KCNIP1: variants seen among roughly 807,000 people sequenced by gnomAD.
KCNIP1 encodes the protein potassium voltage-gated channel interacting protein 1, also known as A-type potassium channel modulatory protein KCNIP1.
Under a neutral mutation model 33.0 loss-of-function variants are expected in KCNIP1, and 18 were observed. The observed-to-expected ratio is 0.55, with a 90% CI of 0.38 to 0.81. The LOEUF (loss-of-function observed/expected upper bound fraction) is 0.81. Ranked by LOEUF, KCNIP1 falls within the 30% of genes least tolerant of loss-of-function variation. The pLI is 0.00. For synonymous variants in KCNIP1, 93 were observed against 98.3 expected (o/e 0.95, Z 0.32); for missense variants, 238 against 271.6 (o/e 0.88, Z 0.87).
intron 1 of KCNIP1, among the ~76,000 whole-genome samples, chr5:170,395,055 A>G (rs759673352): frequency 6.6e-6 from 1 of 152,228 alleles, no homozygotes; most frequent in Non-Finnish European, 1.5e-5. Context: ...GCGGCAATAA[A>G]TGTACAAGTG....
intron 1 of KCNIP1, among the ~76,000 whole-genome samples, chr5:170,464,668 C>T (rs149231820): frequency 2.6e-4 from 40 of 152,216 alleles, no homozygotes; most frequent in African/African-American, 9.4e-4. Context: ...ACCACAAATG[C>T]GGGTCCACAT....
intron 1 of KCNIP1, among the ~76,000 whole-genome samples, chr5:170,405,709 C>T (rs1352094774): frequency 1.3e-5 from 2 of 152,214 alleles, no homozygotes; most frequent in Non-Finnish European, 2.9e-5. Context: ...ACGATTGGTT[C>T]AGGCCCCTGT....
At chr5:170,652,668 C>T (rs1331789282) in intron 1 of KCNIP1, among the ~76,000 whole-genome samples, 3 of 152,196 alleles carry the variant, frequency 2.0e-5, no homozygotes, top group Non-Finnish European at 4.4e-5. Context: ...TGCAGGTTTT[C>T]ATGTGTGCTT....
intron 1 of KCNIP1, among the ~76,000 whole-genome samples, chr5:170,370,153 G>T (rs538791056): frequency 6.6e-6 from 1 of 152,132 alleles, no homozygotes; most frequent in Non-Finnish European, 1.5e-5. Flanking sequence ...CAAGAGAGGC[G>T]GGAAGTTGCT....
At chr5:170,711,049 A>C (rs943286831) in intron 1 of KCNIP1, among the ~76,000 whole-genome samples, 25 of 152,250 alleles carry the variant, frequency 1.6e-4, no homozygotes, top group African/African-American at 6.0e-4. Flanking sequence ...CATTGATAAC[A>C]GCTAAGAACC....
intron 1 of KCNIP1, among the ~76,000 whole-genome samples, chr5:170,672,774 A>G (rs1257454693): frequency 2.0e-5 from 3 of 152,234 alleles, no homozygotes; most frequent in Non-Finnish European, 2.9e-5. Context: ...GAGAAATTGG[A>G]GGATTTGATT....
At chr5:170,474,384 G>GC (rs1168568010) in intron 1 of KCNIP1, among the ~76,000 whole-genome samples, 1 of 151,850 alleles carries the variant, frequency 6.6e-6, no homozygotes, top group Non-Finnish European at 1.5e-5. Flanking sequence ...GGGAACCCCC[G>GC]CCCCCCATAC....
intron 1 of KCNIP1, among the ~76,000 whole-genome samples, chr5:170,676,296 TAAAC>T (rs1228738718): frequency 6.6e-6 from 1 of 152,118 alleles, no homozygotes; most frequent in African/African-American, 2.4e-5. Context: ...ATAACTAATT[TAAAC>T]AAACCCATCC....
intron 1 of KCNIP1, among the ~76,000 whole-genome samples, chr5:170,449,780 C>A (rs1465463451): frequency 6.6e-6 from 1 of 152,166 alleles, no homozygotes; most frequent in Non-Finnish European, 1.5e-5. Flanking sequence ...TTCCACTCTA[C>A]CCTCAGACCC....
chr5:170,695,817 G>A (rs113806946), intron 1 of KCNIP1, among the ~76,000 whole-genome samples: 3,369 of 152,140 alleles, frequency 0.022, 138 homozygotes, highest in African/African-American at 0.077. Context: ...TCAGGAGATC[G>A]AGACCATCCT....
chr5:170,547,721 A>G (rs957739023), intron 1 of KCNIP1, among the ~76,000 whole-genome samples: 1 of 152,180 alleles, frequency 6.6e-6, no homozygotes, highest in African/African-American at 2.4e-5. Flanking sequence ...TAATGGCTGC[A>G]TAGCATTTCA....
At chr5:170,605,348 C>A (rs1758865017) in intron 1 of KCNIP1, among the ~76,000 whole-genome samples, 1 of 152,196 alleles carries the variant, frequency 6.6e-6, no homozygotes, top group Non-Finnish European at 1.5e-5. Context: ...TGCTATTTCC[C>A]AGCTGCAATT....
At chr5:170,573,642 G>GA (rs1049440008) in intron 1 of KCNIP1, among the ~76,000 whole-genome samples, 1,916 of 149,026 alleles carry the variant, frequency 0.013, 44 homozygotes, top group African/African-American at 0.045. Flanking sequence ...AACCCATTGA[G>GA]AAAAAAAAAA....
intron 1 of KCNIP1, among the ~76,000 whole-genome samples, chr5:170,656,387 AAG>A (rs908877295): frequency 1.3e-5 from 2 of 152,230 alleles, no homozygotes; most frequent in African/African-American, 2.4e-5. Context: ...AGAGAAAGAC[AAG>A]AGAGTGTGAA....
chr5:170,635,827 A>C (rs921548284), intron 1 of KCNIP1, among the ~76,000 whole-genome samples: 2 of 152,252 alleles, frequency 1.3e-5, no homozygotes, highest in Non-Finnish European at 2.9e-5. Flanking sequence ...GGCCACGCTG[A>C]TGGGCTAGAC....
At chr5:170,365,538 G>A (rs1164686366) in intron 1 of KCNIP1, among the ~76,000 whole-genome samples, 1 of 152,184 alleles carries the variant, frequency 6.6e-6, no homozygotes, top group South Asian at 2.1e-4. Context: ...GCTGGGAAAG[G>A]ATGGCGATGG....
chr5:170,715,387 ATTTT>A (rs200093925), intron 1 of KCNIP1, among the ~76,000 whole-genome samples: 1 of 152,068 alleles, frequency 6.6e-6, no homozygotes, highest in Non-Finnish European at 1.5e-5. Flanking sequence ...GTGATTGTGC[ATTTT>A]TTTTCCTGAG....
At chr5:170,412,375 C>A (rs1302853268) in intron 1 of KCNIP1, among the ~76,000 whole-genome samples, 1 of 152,084 alleles carries the variant, frequency 6.6e-6, no homozygotes, top group Non-Finnish European at 1.5e-5. Flanking sequence ...TAGCTTTTTT[C>A]CTGCAGGCAG....
intron 1 of KCNIP1, among the ~76,000 whole-genome samples, chr5:170,508,294 C>T (rs1236829952): frequency 6.6e-6 from 1 of 152,174 alleles, no homozygotes; most frequent in Non-Finnish European, 1.5e-5. Flanking sequence ...CTATCAGATG[C>T]TTTTTCTAAG....
Sources: allele counts gnomAD v4.1 joint callset (sites outside exome capture counted in the v4.1 genomes callset), GRCh38; gene constraint gnomAD v4.1.1; transcripts MANE v1.5; gene names NCBI Gene and HGNC (gene_info 2026-07-23, HGNC 2026-07-21).